PLCB4: variants seen among roughly 807,000 people sequenced by gnomAD.
PLCB4 encodes 1-phosphatidylinositol 4,5-bisphosphate phosphodiesterase beta-4.
PLCB4 carries 77 observed loss-of-function variants against 178.8 expected under a neutral mutation model. That is an observed-to-expected ratio of 0.43 (90% CI 0.36 to 0.52). The LOEUF (loss-of-function observed/expected upper bound fraction) is 0.52. Ranked by LOEUF, PLCB4 falls within the 20% of genes least tolerant of loss-of-function variation. The probability of loss-of-function intolerance (pLI) is 0.00; values close to 1 mark genes in which losing one functional copy is unlikely to be tolerated. For missense variants in PLCB4, 1,024 were observed against 1,453.4 expected (o/e 0.70, Z 4.80); for synonymous variants, 496 against 490.8 (o/e 1.01, Z -0.14).
At chr20:9,316,584 A>T (rs907498385) in intron 4 of PLCB4, among the ~76,000 whole-genome samples, 2 of 152,154 alleles carry the variant, frequency 1.3e-5, no homozygotes, top group Admixed American at 1.3e-4. Context: ...TCTGTGCCAG[A>T]AAAATAGGAT....
chr20:9,356,119 C>A (rs2034795575), intron 7 of PLCB4, among the ~76,000 whole-genome samples: 1 of 151,936 alleles, frequency 6.6e-6, no homozygotes. Context: ...TTGTTCATAT[C>A]CTTTGCCCAC....
At chr20:9,193,962 T>C (rs1307396539) in intron 2 of PLCB4, among the ~76,000 whole-genome samples, 1 of 152,180 alleles carries the variant, frequency 6.6e-6, no homozygotes. Flanking sequence ...TACTGTCTTC[T>C]TTAAAGTATG....
intron 4 of PLCB4, among the ~76,000 whole-genome samples, chr20:9,312,744 G>T (rs2094851549): frequency 1.3e-5 from 2 of 152,174 alleles, no homozygotes; most frequent in African/African-American, 2.4e-5. Flanking sequence ...GGATGATAAA[G>T]CTAGTTCCAA....
At chr20:9,457,273 A>G in intron 33 of PLCB4, 141 bp from the exon 34 acceptor site, 1 of 630,992 alleles carries the variant, frequency 1.6e-6, no homozygotes, top group South Asian at 2.0e-5. Flanking sequence ...CTATTACTAG[A>G]AAGACCAGTG....
At chr20:9,114,996 C>T (rs747186211) in intron 2 of PLCB4, among the ~76,000 whole-genome samples, 14 of 152,126 alleles carry the variant, frequency 9.2e-5, no homozygotes, top group Admixed American at 2.6e-4. Context: ...GAGTAATTGG[C>T]CAGGATATCC....
intron 28 of PLCB4, among the ~76,000 whole-genome samples, chr20:9,433,574 G>GA (rs2041571838): frequency 6.6e-6 from 1 of 152,044 alleles, no homozygotes; most frequent in South Asian, 2.1e-4. Flanking sequence ...AGAGGAAAGA[G>GA]AAAAAATGAA....
chr20:9,365,634 T>G, intron 9 of PLCB4, 120 bp downstream of exon 9: 1 of 537,758 alleles, frequency 1.9e-6, no homozygotes, highest in Non-Finnish European at 3.4e-6. Flanking sequence ...TTCTGGAATC[T>G]TAGTTTCAAT....
chr20:9,431,850 T>C (rs981856592), intron 28 of PLCB4, among the ~76,000 whole-genome samples: 5 of 152,176 alleles, frequency 3.3e-5, no homozygotes, highest in African/African-American at 9.7e-5. Context: ...TCATCATTCT[T>C]CAATAACTAT....
intron 3 of PLCB4, among the ~76,000 whole-genome samples, chr20:9,266,404 T>C (rs1355066806): frequency 6.6e-6 from 1 of 152,246 alleles, no homozygotes; most frequent in East Asian, 1.9e-4. Context: ...CTTACTTTTG[T>C]AATGTGTACC....
At chr20:9,371,738 C>G (rs1002798660) in intron 10 of PLCB4, among the ~76,000 whole-genome samples, 3 of 152,200 alleles carry the variant, frequency 2.0e-5, no homozygotes, top group Non-Finnish European at 4.4e-5. Context: ...TGAAGCATCT[C>G]TCCCCGCACC....
At chr20:9,077,942 A>G (rs2146497407) in intron 1 of PLCB4, among the ~76,000 whole-genome samples, 1 of 152,308 alleles carries the variant, frequency 6.6e-6, no homozygotes, top group East Asian at 1.9e-4. Flanking sequence ...GTTTTATTTA[A>G]TGGATACTTG....
At chr20:9,218,022 G>A (rs1248501398) in intron 3 of PLCB4, among the ~76,000 whole-genome samples, 1 of 152,222 alleles carries the variant, frequency 6.6e-6, no homozygotes, top group East Asian at 1.9e-4. Context: ...TTTATAAACT[G>A]TAACTTGCCA....
chr20:9,289,965 A>G (rs1223172784), intron 3 of PLCB4, among the ~76,000 whole-genome samples: 1 of 152,036 alleles, frequency 6.6e-6, no homozygotes, highest in Non-Finnish European at 1.5e-5. Flanking sequence ...GTGTCAGGTC[A>G]GGGGTAAATA....
At chr20:9,288,208 A>T (rs930842156) in intron 3 of PLCB4, among the ~76,000 whole-genome samples, 1 of 152,100 alleles carries the variant, frequency 6.6e-6, no homozygotes, top group African/African-American at 2.4e-5. Flanking sequence ...TGTGGCACAG[A>T]AATGTACAAA....
At chr20:9,263,485 C>T (rs909686161) in intron 3 of PLCB4, among the ~76,000 whole-genome samples, 1 of 152,298 alleles carries the variant, frequency 6.6e-6, no homozygotes, top group African/African-American at 2.4e-5. Context: ...AATGCAGACT[C>T]TCAGGCCCTT....
intron 28 of PLCB4, among the ~76,000 whole-genome samples, chr20:9,425,368 G>A (rs56838363): frequency 0.04 from 6,147 of 152,330 alleles, 310 homozygotes; most frequent in East Asian, 0.24. Context: ...GGAAGATTTA[G>A]AAGTTTTGCC....
chr20:9,407,766 T>C (rs2039554659), intron 21 of PLCB4, 151 bp from the exon 22 acceptor site: 5 of 555,796 alleles, frequency 9.0e-6, no homozygotes, highest in Non-Finnish European at 1.5e-5. Context: ...CACTAACTTC[T>C]TAAAGTATCC....
At chr20:9,090,501 A>T (rs1600327346) in intron 1 of PLCB4, among the ~76,000 whole-genome samples, 1 of 139,922 alleles carries the variant, frequency 7.1e-6, no homozygotes, top group East Asian at 2.0e-4. Context: ...CTTCTAACAC[A>T]TTTTTAGTGT....
At chr20:9,074,355 C>G (rs1053477928) in intron 1 of PLCB4, among the ~76,000 whole-genome samples, 2 of 152,122 alleles carry the variant, frequency 1.3e-5, no homozygotes, top group African/African-American at 4.8e-5. Flanking sequence ...CGGAAACACC[C>G]TTGGGCCAGG....
Sources: allele counts gnomAD v4.1 joint callset (sites outside exome capture counted in the v4.1 genomes callset), GRCh38; gene constraint gnomAD v4.1.1; transcripts MANE v1.5; gene names NCBI Gene and HGNC (gene_info 2026-07-23, HGNC 2026-07-21).